SPATA9: variants seen among roughly 807,000 people sequenced by gnomAD.
SPATA9 encodes the protein spermatogenesis associated 9.
A neutral mutation model predicts 25.5 loss-of-function variants in SPATA9; 27 were observed. The observed-to-expected ratio is 1.06, with a 90% CI of 0.78 to 1.46. SPATA9 has a LOEUF of 1.46. Among genes scored for constraint, SPATA9 ranks in the 40% most tolerant of loss-of-function variants. The pLI is 0.00. For synonymous variants in SPATA9, 102 were observed against 105.7 expected, an observed-to-expected ratio of 0.97 and a Z score of 0.21; for missense variants, 282 against 297.5, an observed-to-expected ratio of 0.95 and a Z score of 0.38.
At chr5:95,693,524 C>T (rs566513833) in intron 1 of SPATA9, among the ~76,000 whole-genome samples, 4 of 152,218 alleles carry the variant, frequency 2.6e-5, no homozygotes, top group African/African-American at 9.6e-5. Flanking sequence ...ACATTTAAAA[C>T]TAAACAATAT....
intron 8 of SPATA9, chr5:95,653,269 T>C: frequency 6.5e-7 from 1 of 1,548,442 alleles, no homozygotes; most frequent in Non-Finnish European, 8.7e-7. Flanking sequence ...GTAATAGCTA[T>C]CTGGTTGTGC....
downstream of SPATA9, chr5:95,652,572 A>G: frequency 4.9e-6 from 2 of 412,228 alleles, no homozygotes; most frequent in Non-Finnish European, 8.3e-6. Flanking sequence ...TAGCTGCACA[A>G]ACCTAAAACT....
At chr5:95,718,951 T>C in the SPATA9 span, among the ~76,000 whole-genome samples, 1 of 152,112 alleles carries the variant, frequency 6.6e-6, no homozygotes, top group African/African-American at 2.4e-5. Flanking sequence ...GATAACTGAA[T>C]GTGTTGTTTT....
chr5:95,675,046 T>C (rs921661547), intron 3 of SPATA9, among the ~76,000 whole-genome samples: 1 of 152,172 alleles, frequency 6.6e-6, no homozygotes, highest in African/African-American at 2.4e-5. Flanking sequence ...ATATACTCAA[T>C]ATATTATGTC....
the SPATA9 span, chr5:95,708,890 G>A: frequency 2.4e-6 from 1 of 416,104 alleles, no homozygotes. Flanking sequence ...GACATAATAG[G>A]TGAAAACAAA....
chr5:95,706,986 T>A, the SPATA9 span, among the ~76,000 whole-genome samples: 1 of 152,150 alleles, frequency 6.6e-6, no homozygotes, highest in Non-Finnish European at 1.5e-5. Context: ...CAATGTAGAG[T>A]TTGATTTTGT....
chr5:95,664,466 T>C (rs1323639385), intron 3 of SPATA9, among the ~76,000 whole-genome samples: 1 of 152,198 alleles, frequency 6.6e-6, no homozygotes, highest in Non-Finnish European at 1.5e-5. Context: ...AATGACCTGC[T>C]TGGAAATGTT....
At chr5:95,719,373 C>T in the SPATA9 span, among the ~76,000 whole-genome samples, 12 of 152,064 alleles carry the variant, frequency 7.9e-5, no homozygotes, top group African/African-American at 1.2e-4. Context: ...AGAAAGATTC[C>T]GCAGGAAGCA....
chr5:95,708,266 G>A, the SPATA9 span, among the ~76,000 whole-genome samples: 8 of 152,274 alleles, frequency 5.3e-5, no homozygotes, highest in East Asian at 1.9e-4. Flanking sequence ...GTCACCTAGA[G>A]CAGTCAAAGG....
the SPATA9 span, among the ~76,000 whole-genome samples, chr5:95,711,506 C>A: frequency 3.3e-5 from 5 of 152,036 alleles, no homozygotes; most frequent in Admixed American, 3.3e-4. Flanking sequence ...GCTCATCACC[C>A]GGAGGGACTT....
downstream of SPATA9, chr5:95,655,919 G>A (rs1750725982): frequency 1.3e-6 from 1 of 771,178 alleles, no homozygotes; most frequent in Non-Finnish European, 2.1e-6. Flanking sequence ...TGAATAATTT[G>A]TACATAGGAG....
intron 2 of SPATA9, among the ~76,000 whole-genome samples, chr5:95,676,645 C>T (rs1752974207): frequency 6.6e-6 from 1 of 152,186 alleles, no homozygotes; most frequent in East Asian, 1.9e-4. Context: ...ACCCCCAGTA[C>T]AGCACCCAGT....
At chr5:95,710,630 G>GA in the SPATA9 span, among the ~76,000 whole-genome samples, 1 of 152,140 alleles carries the variant, frequency 6.6e-6, no homozygotes, top group Admixed American at 6.5e-5. Flanking sequence ...ACAAACAGGT[G>GA]AAACGGCTTT....
intron 1 of SPATA9, among the ~76,000 whole-genome samples, chr5:95,696,768 G>C (rs1754033550): frequency 6.6e-6 from 1 of 152,160 alleles, no homozygotes; most frequent in South Asian, 2.1e-4. Context: ...GAGCAGCACT[G>C]AGTCTAGGAG....
chr5:95,664,183 T>C (rs1401909983), intron 3 of SPATA9, 135 bp from the exon 4 acceptor site: 2 of 452,644 alleles, frequency 4.4e-6, no homozygotes, highest in Non-Finnish European at 7.9e-6. Flanking sequence ...ATCTGGGCTT[T>C]TTCACATTGT....
chr5:95,719,736 A>G, the SPATA9 span: 1 of 152,250 alleles, frequency 6.6e-6, no homozygotes, highest in Non-Finnish European at 1.5e-5. Flanking sequence ...TAATGCCATC[A>G]TGCAGATAGG....
chr5:95,675,864 C>T (rs1561408731), intron 2 of SPATA9, among the ~76,000 whole-genome samples: 2 of 144,586 alleles, frequency 1.4e-5, no homozygotes, highest in Non-Finnish European at 3.0e-5. Context: ...TCTTGTGGCC[C>T]AGGCTGGAGT....
intron 2 of SPATA9, among the ~76,000 whole-genome samples, chr5:95,677,062 T>C (rs989083012): frequency 6.6e-6 from 1 of 152,230 alleles, no homozygotes; most frequent in Non-Finnish European, 1.5e-5. Context: ...CATTCAAGAA[T>C]CACTTTCTCA....
At chr5:95,652,759 A>G (rs1442777557), downstream of SPATA9, 3 of 268,094 alleles carry the variant, frequency 1.1e-5, no homozygotes, top group African/African-American at 4.4e-5. Flanking sequence ...ATATAATTGT[A>G]GCTACTACTG....
Sources: gnomAD v4.1 joint callset for allele counts (sites outside exome capture counted in the v4.1 genomes callset) on GRCh38, gnomAD v4.1.1 for gene constraint, MANE v1.5 for transcripts, NCBI Gene and HGNC (gene_info 2026-07-23, HGNC 2026-07-21) for gene names.